DYNC2H1: variants seen among roughly 807,000 people sequenced by gnomAD.
The protein encoded by DYNC2H1 is cytoplasmic dynein 2 heavy chain 1.
A neutral mutation model predicts 570.0 loss-of-function variants in DYNC2H1; 410 were observed. The observed-to-expected ratio is 0.72, with a 90% confidence interval of 0.66 to 0.78. DYNC2H1 has a LOEUF of 0.78. Among genes scored for constraint, DYNC2H1 ranks in the 30% least tolerant of loss-of-function variants. The pLI is 0.00. For missense variants in DYNC2H1, 4,865 were observed against 5,046.4 expected (o/e 0.96, Z 1.09); for synonymous variants, 1,688 against 1,677.6 (o/e 1.01, Z -0.15).
intron 83 of DYNC2H1, among the ~76,000 whole-genome samples, chr11:103,365,150 C>T (rs1018033691): frequency 3.9e-5 from 6 of 152,014 alleles, no homozygotes; most frequent in African/African-American, 7.2e-5. Context: ...TAATCTGAGG[C>T]CAGGAGTTCG....
In DYNC2H1 at chr11:103,459,328, A is replaced by G. The variant is rs918435214; in HGVS notation, c.12648+2972A>G. On this transcript the variant is annotated intron_variant, in intron 87 of 88. Coordinates refer to ENST00000375735, the MANE Select transcript of DYNC2H1 (RefSeq NM_001377.3). Reference sequence around the variant, plus strand: ...CGTCTCAAAAAAAAAAAAAAAAAAAAAAAAAGGAAATTCCATTCATATAGT... The same window carrying G: ...CGTCTCAAAAAAAAAAAAAAAAAAAGAAAAAGGAAATTCCATTCATATAGT... Among the ~76,000 whole-genome samples, 516 of 149,350 alleles carry G rather than the reference A, an allele frequency of 3.5e-3. 4 individuals are homozygous for G. The highest frequency in any genetic ancestry group is 0.012 in the African/African-American group (495 of 40,408).
chr11:103,468,164 C>A (rs1237021961), intron 87 of DYNC2H1, among the ~76,000 whole-genome samples: 1 of 151,850 alleles, frequency 6.6e-6, no homozygotes. Context: ...TCGTTTTTTT[C>A]ATTACACTTT....
chr11:103,397,436 T>C (rs1942446098), intron 83 of DYNC2H1, among the ~76,000 whole-genome samples: 1 of 152,250 alleles, frequency 6.6e-6, no homozygotes. Context: ...ATTTGAATTA[T>C]AAATGTTGAG....
intron 75 of DYNC2H1, among the ~76,000 whole-genome samples, chr11:103,300,049 A>T (rs752141138): frequency 5.3e-5 from 8 of 152,046 alleles, no homozygotes; most frequent in Non-Finnish European, 8.8e-5. Flanking sequence ...TATACATCTG[A>T]TACTTATCAG....
intron 84 of DYNC2H1, among the ~76,000 whole-genome samples, chr11:103,410,121 T>C (rs1408239098): frequency 6.6e-6 from 1 of 152,074 alleles, no homozygotes; most frequent in African/African-American, 2.4e-5. Context: ...AAATGCACTT[T>C]CCAGTATGCT....
chr11:103,262,900 G>A (rs1258093088), intron 70 of DYNC2H1, among the ~76,000 whole-genome samples: 1 of 151,778 alleles, frequency 6.6e-6, no homozygotes, highest in Non-Finnish European at 1.5e-5. Context: ...GACACAGACT[G>A]GCAAATAGGA....
rs1486761875 is a variant in DYNC2H1, at chr11:103,239,461, A to G, written c.9819+2922A>G. Among the ~76,000 whole-genome samples the G allele has an allele frequency of 6.6e-6, 1 of 152,186 alleles. No homozygotes were observed. Among genetic ancestry groups the G allele is most frequent in the East Asian group, 1.9e-4 (1 of 5,198 alleles). On this transcript the variant is annotated intron_variant, in intron 63 of 88. Coordinates refer to ENST00000375735, the MANE Select transcript of DYNC2H1 (RefSeq NM_001377.3). The surrounding 1 kb of genome is among the most constrained non-coding windows in gnomAD (Gnocchi z 4.3). Reference sequence around the variant, plus strand: ...ATAAATAGGTAAGGCACTTAAACACATAACTCATGTAATTCTCAAATCAAC... The same window carrying G: ...ATAAATAGGTAAGGCACTTAAACACGTAACTCATGTAATTCTCAAATCAAC...
chr11:103,390,149 T>A (rs962312933), intron 83 of DYNC2H1, among the ~76,000 whole-genome samples: 3 of 152,176 alleles, frequency 2.0e-5, no homozygotes, highest in African/African-American at 4.8e-5. Flanking sequence ...TTTGTAGGTC[T>A]CTAAGGACTT....
chr11:103,413,756 T>A (rs1383643472), intron 84 of DYNC2H1, among the ~76,000 whole-genome samples: 2 of 152,180 alleles, frequency 1.3e-5, no homozygotes, highest in Non-Finnish European at 2.9e-5. Flanking sequence ...TATGTACTTA[T>A]AATGTAAATC....
At chr11:103,113,855 T>A in intron 2 of DYNC2H1, 148 bp downstream of exon 2, 1 of 838,956 alleles carries the variant, frequency 1.2e-6, no homozygotes, top group Non-Finnish European at 1.7e-6. Flanking sequence ...AACTTAAATT[T>A]TAATGTAAGT....
chr11:103,256,144 G>A lies in DYNC2H1; in HGVS notation c.10365G>A (p.Lys3455=), dbSNP rs760107130. 8.7e-6 allele frequency: 14 copies of A among 1,607,892 alleles called. No homozygotes were observed. The highest frequency in any genetic ancestry group is 1.2e-5 in the Non-Finnish European group (14 of 1,176,628). The change falls in exon 68 of 89, where the codon AAG becomes AAA. Residue 3455 remains lysine (K), a synonymous_variant. Transcript: ENST00000375735. The surrounding 1 kb of genome is among the most constrained non-coding windows in gnomAD (Gnocchi z 4.0). ...ATSQGNILEN[K]DLIESLNQTK... ...CTCAAGGCAATATTTTGGAAAATAA[G>A]GATTTGATTGAGTCTTTGAATCAGA...
intron 1 of DYNC2H1, among the ~76,000 whole-genome samples, chr11:103,112,140 C>T (rs937454844): frequency 2.6e-5 from 4 of 152,208 alleles, no homozygotes; most frequent in Non-Finnish European, 4.4e-5. Context: ...TGCAGGCAGG[C>T]ATAACCTGGG....
rs646083 is a variant in DYNC2H1 at position 103,216,305 on chromosome 11, T to G, written c.8832+447T>G. Among the ~76,000 whole-genome samples, 15 of 152,226 alleles carry G rather than the reference T, an allele frequency of 9.9e-5. No homozygotes were observed. The South Asian group carries it at 2.7e-3, about 27-fold the overall frequency. Reference sequence around the variant, plus strand: ...GTATTTTGATTATACATTTTTTGAGTGGTTGCCTTTGTTTTGTTGAACCCT... The same window carrying G: ...GTATTTTGATTATACATTTTTTGAGGGGTTGCCTTTGTTTTGTTGAACCCT... On this transcript the variant is annotated intron_variant, in intron 55 of 88. Transcript: ENST00000375735.
rs1315250924 is a variant in DYNC2H1 at position 103,133,959 on chromosome 11, A to AGATT, written c.2106+253_2106+254insATTG. The stretch of plus-strand genomic sequence containing the variant: ...TCCACTAACATTCTTTTTTTTTTCC[A>AGATT]GGATACAATCTAGAATCCAACTCTG... On this transcript the variant is annotated intron_variant, in intron 14 of 88. Coordinates refer to ENST00000375735, the MANE Select transcript of DYNC2H1 (RefSeq NM_001377.3). This position sits in a 1 kb window ranked among gnomAD's most constrained non-coding sequence, Gnocchi z 4.8. 6.6e-6 allele frequency among the ~76,000 whole-genome samples: 1 copy of AGATT among 151,646 alleles called. No homozygotes were observed. The highest frequency in any genetic ancestry group is 1.9e-4 in the East Asian group (1 of 5,184).
At position 103,465,762 on chromosome 11, in the gene DYNC2H1, T is replaced by C. The variant is rs1453170889; in HGVS notation, c.12649-2827T>C. On this transcript the variant is annotated intron_variant, in intron 87 of 88. Coordinates refer to ENST00000375735, the MANE Select transcript of DYNC2H1 (RefSeq NM_001377.3). This position sits in a 1 kb window ranked among gnomAD's most constrained non-coding sequence, Gnocchi z 4.9. ...CAGTCCTTCACATGCCCTCTCATACTGTAGTAGACTAGGAGAGCTTCCTTA... is the reference window on the plus strand; with the variant it reads ...CAGTCCTTCACATGCCCTCTCATACCGTAGTAGACTAGGAGAGCTTCCTTA... 6.6e-6 allele frequency among the ~76,000 whole-genome samples: 1 copy of C among 152,178 alleles called. No homozygotes were observed. Among genetic ancestry groups the C allele is most frequent in the Non-Finnish European group, 1.5e-5 (1 of 68,034 alleles).
chr11:103,220,819 C>T, intron 57 of DYNC2H1, 36 bp downstream of exon 57: 2 of 1,544,302 alleles, frequency 1.3e-6, no homozygotes, highest in Non-Finnish European at 1.8e-6. Flanking sequence ...ATTATTTCGG[C>T]AATGAATGAC....
In DYNC2H1 at chr11:103,189,709, G is replaced by A; in HGVS notation, c.7330G>A (p.Ala2444Thr). 1 of 1,612,930 alleles carries A rather than the reference G, an allele frequency of 6.2e-7. No homozygotes were observed. The highest frequency in any genetic ancestry group is 8.5e-7 in the Non-Finnish European group (1 of 1,179,410). ...AGAGCAGTTACAAACGATTTATGGA[G>A]CATATTTGGAACCAGTTCTACATAA... ...EREQLQTIYG[A>T]YLEPVLHKNL... The change falls in exon 45 of 89, where the codon GCA becomes ACA. Residue 2444 changes from alanine to threonine, a missense_variant. Coordinates refer to ENST00000375735, the MANE Select transcript of DYNC2H1 (RefSeq NM_001377.3). The surrounding 1 kb of genome is among the most constrained non-coding windows in gnomAD (Gnocchi z 4.3).
At chr11:103,448,798 T>A (rs1288798872) in intron 85 of DYNC2H1, among the ~76,000 whole-genome samples, 1 of 152,210 alleles carries the variant, frequency 6.6e-6, no homozygotes, top group Admixed American at 6.5e-5. Flanking sequence ...TTTAAGTTTC[T>A]TAGAAGTTTT....
intron 84 of DYNC2H1, chr11:103,405,023 C>T (rs1942801391): frequency 6.6e-6 from 1 of 151,530 alleles, no homozygotes; most frequent in Non-Finnish European, 1.5e-5. Flanking sequence ...GATATTATAG[C>T]TCATACTATG....
Sources: allele counts gnomAD v4.1 joint callset (sites outside exome capture counted in the v4.1 genomes callset), GRCh38; gene constraint gnomAD v4.1.1; non-coding constraint Gnocchi (gnomAD v3.1); transcripts MANE v1.5; gene names NCBI Gene and HGNC (gene_info 2026-07-23, HGNC 2026-07-21).